Variants in CA10 observed in about 807,000 individuals in gnomAD.
CA10 encodes carbonic anhydrase 10 (inactive).
Under a neutral mutation model 44.2 loss-of-function variants are expected in CA10, and 14 were observed. The observed-to-expected ratio is 0.32, with a 90% CI of 0.21 to 0.50. The LOEUF is 0.50. Ranked by LOEUF, CA10 falls within the 20% of genes least tolerant of loss-of-function variation. CA10 has a pLI of 0.99. For missense variants in CA10, 350 were observed against 409.7 expected (o/e 0.85, Z 1.26); for synonymous variants, 159 against 141.6 (o/e 1.12, Z -0.87).
intron 4 of CA10, among the ~76,000 whole-genome samples, chr17:51,719,231 T>TGAG: frequency 6.6e-6 from 1 of 152,306 alleles, no homozygotes; most frequent in Middle Eastern, 3.4e-3. Flanking sequence ...GCCTGCAAAT[T>TGAG]GAGGCATGAA....
chr17:52,097,387 T>A (rs1444710373), intron 1 of CA10, among the ~76,000 whole-genome samples: 1 of 152,234 alleles, frequency 6.6e-6, no homozygotes, highest in Non-Finnish European at 1.5e-5. Flanking sequence ...GTCTTGTTTA[T>A]ATATTTTGTA....
intron 2 of CA10, among the ~76,000 whole-genome samples, chr17:52,022,360 G>A (rs1986168445): frequency 6.6e-6 from 1 of 152,044 alleles, no homozygotes; most frequent in South Asian, 2.1e-4. Context: ...TAAATCATAT[G>A]ATCATCTTGA....
intron 3 of CA10, among the ~76,000 whole-genome samples, chr17:51,915,149 C>T (rs1220253385): frequency 2.0e-5 from 3 of 152,124 alleles, no homozygotes; most frequent in Non-Finnish European, 4.4e-5. Flanking sequence ...GGAACCCAGA[C>T]TGTAGATTGA....
intron 2 of CA10, among the ~76,000 whole-genome samples, chr17:51,978,560 G>A (rs1246175055): frequency 6.6e-6 from 1 of 151,660 alleles, no homozygotes; most frequent in Non-Finnish European, 1.5e-5. Flanking sequence ...CAATGAACCA[G>A]GATAACTAAA....
intron 1 of CA10, among the ~76,000 whole-genome samples, chr17:52,082,778 C>A (rs904381935): frequency 1.1e-4 from 17 of 152,246 alleles, no homozygotes; most frequent in African/African-American, 4.1e-4. Context: ...TGACTTCTGA[C>A]AAATAGGCAA....
At chr17:51,749,116 C>T (rs973088285) in intron 3 of CA10, among the ~76,000 whole-genome samples, 12 of 152,182 alleles carry the variant, frequency 7.9e-5, no homozygotes, top group African/African-American at 2.9e-4. Flanking sequence ...TGTGGTGCAG[C>T]GACTGCATGG....
chr17:51,841,343 G>A (rs890089767), intron 3 of CA10, among the ~76,000 whole-genome samples: 9 of 152,134 alleles, frequency 5.9e-5, no homozygotes, highest in Middle Eastern at 3.2e-3. Flanking sequence ...ACACAGCTAT[G>A]ACACTAGTAT....
chr17:52,058,592 T>C (rs1987293199), intron 2 of CA10, among the ~76,000 whole-genome samples: 1 of 152,176 alleles, frequency 6.6e-6, no homozygotes, highest in Non-Finnish European at 1.5e-5. Flanking sequence ...TAGGACTGCT[T>C]ACTGGTTACA....
intron 3 of CA10, among the ~76,000 whole-genome samples, chr17:51,764,197 A>G (rs1246345288): frequency 6.6e-6 from 1 of 152,150 alleles, no homozygotes; most frequent in Admixed American, 6.5e-5. Context: ...CATGCCAACA[A>G]TCTTGTAGTG....
At chr17:51,935,531 C>T (rs1246955923) in intron 2 of CA10, among the ~76,000 whole-genome samples, 1 of 152,158 alleles carries the variant, frequency 6.6e-6, no homozygotes. Context: ...AATATTTTTG[C>T]AAATTAATTT....
intron 4 of CA10, among the ~76,000 whole-genome samples, chr17:51,721,598 G>C (rs1208968376): frequency 6.6e-6 from 1 of 151,992 alleles, no homozygotes; most frequent in Non-Finnish European, 1.5e-5. Context: ...GCTTCCCAAA[G>C]TGTTGGGATT....
At chr17:51,831,683 A>G (rs1026540248) in intron 3 of CA10, among the ~76,000 whole-genome samples, 67 of 70,460 alleles carry the variant, frequency 9.5e-4, no homozygotes, top group South Asian at 7.8e-3. Flanking sequence ...CAGCAGCAGC[A>G]GCAGCAGCAG....
chr17:51,790,409 C>A (rs1032658100), intron 3 of CA10, among the ~76,000 whole-genome samples: 1 of 152,192 alleles, frequency 6.6e-6, no homozygotes. Flanking sequence ...TGAATGGATA[C>A]GTGGTTGGGA....
At chr17:51,714,837 G>C (rs935330269) in intron 4 of CA10, among the ~76,000 whole-genome samples, 2 of 152,150 alleles carry the variant, frequency 1.3e-5, no homozygotes, top group African/African-American at 4.8e-5. Flanking sequence ...TGGAAATTAC[G>C]GCTCTTCCTT....
At chr17:51,646,073 C>T (rs1219142680) in intron 6 of CA10, among the ~76,000 whole-genome samples, 2 of 152,200 alleles carry the variant, frequency 1.3e-5, no homozygotes, top group Non-Finnish European at 2.9e-5. Context: ...GAAGCAGAGC[C>T]ACCCCTACCA....
chr17:51,747,867 C>A (rs1277726314), intron 3 of CA10, 49 bp from the exon 4 acceptor site: 2 of 1,403,086 alleles, frequency 1.4e-6, no homozygotes, highest in East Asian at 2.3e-5. Flanking sequence ...TTCTTCTATG[C>A]CTCCCCAAAC....
intron 2 of CA10, among the ~76,000 whole-genome samples, chr17:52,043,410 T>C (rs1315609691): frequency 3.3e-5 from 5 of 152,110 alleles, no homozygotes; most frequent in East Asian, 1.9e-4. Context: ...TTTTTGCACA[T>C]TGATTTTATA....
At chr17:52,140,452 T>C (rs923520315) in intron 1 of CA10, among the ~76,000 whole-genome samples, 3 of 152,338 alleles carry the variant, frequency 2.0e-5, no homozygotes, top group East Asian at 1.9e-4. Flanking sequence ...TTGTTTTCAA[T>C]CAAACACAAT....
At chr17:51,775,104 A>G (rs1905768414) in intron 3 of CA10, among the ~76,000 whole-genome samples, 1 of 151,996 alleles carries the variant, frequency 6.6e-6, no homozygotes, top group African/African-American at 2.4e-5. Flanking sequence ...TCACTCCTCT[A>G]AAGGGGGAGG....
Sources: allele counts gnomAD v4.1 joint callset (sites outside exome capture counted in the v4.1 genomes callset), GRCh38; gene constraint gnomAD v4.1.1; transcripts MANE v1.5; gene names NCBI Gene and HGNC (gene_info 2026-07-23, HGNC 2026-07-21).